The following COL22A1 variants were observed in gnomAD, a reference collection of about 807,000 sequenced individuals.
The protein encoded by COL22A1 is collagen alpha-1(XXII) chain.
In COL22A1, 221 loss-of-function variants were observed where a neutral mutation model predicts 248.9. The ratio of observed to expected loss-of-function variants is 0.89; its 90% CI spans 0.80 to 0.99. COL22A1 has a LOEUF of 0.99. Ranked by LOEUF, COL22A1 falls within the 50% of genes least tolerant of loss-of-function variation. The probability of loss-of-function intolerance (pLI) is 0.00; values close to 1 mark genes in which losing one functional copy is unlikely to be tolerated. For missense variants in COL22A1, 2,240 were observed against 2,179.0 expected (o/e 1.03, Z -0.56); for synonymous variants, 891 against 793.4 (o/e 1.12, Z -2.07).
intron 7 of COL22A1, among the ~76,000 whole-genome samples, chr8:138,820,353 A>G (rs1235059343): frequency 6.6e-6 from 1 of 152,120 alleles, no homozygotes. Flanking sequence ...AAGATGGAAC[A>G]TGTGGATCAC....
chr8:138,844,709 G>A (rs1036153880), intron 3 of COL22A1, among the ~76,000 whole-genome samples: 2 of 152,190 alleles, frequency 1.3e-5, no homozygotes, highest in African/African-American at 4.8e-5. Flanking sequence ...CCAGCACTTT[G>A]GGAGGCCGAG....
intron 1 of COL22A1, among the ~76,000 whole-genome samples, chr8:138,892,004 C>T (rs7000425): frequency 0.62 from 94,340 of 151,990 alleles, 30,218 homozygotes; most frequent in East Asian, 0.85. Flanking sequence ...TTGGCTATGA[C>T]GTATAATTAT....
rs1230739756 is a variant in COL22A1 at position 138,883,342 on chromosome 8, C to G, written c.-72-98G>C. 2.9e-5 allele frequency: 19 copies of G among 650,888 alleles called. No homozygotes were observed. The East Asian group carries it at 5.4e-4, about 19-fold the overall frequency. 40.3% of individuals were successfully genotyped at this position (650,888 alleles called of 1,614,324 possible). ...CCCAGGGGGATTCCCTACACCCAGC[C>G]TTCCAACCCATCTTCCCTCCCGGAT... is the stretch of plus-strand genomic sequence containing the variant. On this transcript the variant is annotated intron_variant, in intron 1 of 64. Coordinates refer to ENST00000303045, the MANE Select transcript of COL22A1 (RefSeq NM_152888.3).
chr8:138,826,647 G>T lies in COL22A1; in HGVS notation c.969+11C>A. On this transcript the variant is annotated intron_variant, in intron 6 of 64. Transcript: ENST00000303045. ...TCAGGACCACTGAGATAAGGCATCT[G>T]CTGCCCTTACCTGTGGGATGCTGTA... 6.2e-7 allele frequency: 1 copy of T among 1,613,342 alleles called. No individual in the cohort carries two copies.
intron 40 of COL22A1, among the ~76,000 whole-genome samples, chr8:138,679,388 T>G (rs940796203): frequency 2.0e-5 from 3 of 152,208 alleles, no homozygotes; most frequent in Admixed American, 1.3e-4. Flanking sequence ...CATTGCAAGC[T>G]AAGTCATGTC....
intron 50 of COL22A1, among the ~76,000 whole-genome samples, chr8:138,629,467 AT>A (rs915977881): frequency 6.6e-6 from 1 of 152,102 alleles, no homozygotes; most frequent in Admixed American, 6.6e-5. Context: ...TATATTTTAT[AT>A]TTTATTCATC....
At position 138,844,208 on chromosome 8, in the gene COL22A1, G is replaced by A. The variant is rs180963215; in HGVS notation, c.659-50C>T. The A allele has an allele frequency of 1.1e-4, 178 of 1,550,782 alleles. No homozygotes were observed. In the African/African-American group the frequency reaches 1.7e-3, roughly 15 times the overall value. On this transcript the variant is annotated intron_variant, in intron 3 of 64. Coordinates refer to ENST00000303045, the MANE Select transcript of COL22A1 (RefSeq NM_152888.3). The stretch of plus-strand genomic sequence containing the variant: ...GACTGATGAGAAAATGTGACCCATC[G>A]TCACCCTGTGAAATATGACAGCACA...
intron 3 of COL22A1, among the ~76,000 whole-genome samples, chr8:138,863,372 C>G (rs1233096137): frequency 6.6e-6 from 1 of 152,208 alleles, no homozygotes; most frequent in African/African-American, 2.4e-5. Flanking sequence ...CTACTCTTCC[C>G]TCCCTGGTTG....
chr8:138,734,660 C>A (rs1830974009), intron 23 of COL22A1, among the ~76,000 whole-genome samples: 1 of 152,206 alleles, frequency 6.6e-6, no homozygotes, highest in African/African-American at 2.4e-5. Context: ...TTTGACCCAG[C>A]AATCCCATTA....
chr8:138,808,734 A>C (rs547629079), intron 9 of COL22A1, among the ~76,000 whole-genome samples: 3 of 152,348 alleles, frequency 2.0e-5, no homozygotes, highest in Admixed American at 6.5e-5. Flanking sequence ...AGCAATCTAC[A>C]CTCTGGTCAC....
At chr8:138,668,881 C>A (rs903281568) in intron 41 of COL22A1, among the ~76,000 whole-genome samples, 7 of 152,176 alleles carry the variant, frequency 4.6e-5, no homozygotes, top group Admixed American at 6.5e-5. Flanking sequence ...GTTTGAGGAA[C>A]CTTCACCCAG....
intron 60 of COL22A1, among the ~76,000 whole-genome samples, chr8:138,599,275 G>C (rs912918811): frequency 5.3e-5 from 8 of 152,058 alleles, no homozygotes; most frequent in Non-Finnish European, 1.2e-4. Context: ...AGGAGATCGA[G>C]ACCATCCTTG....
At chr8:138,781,794 T>C (rs1269087933) in intron 12 of COL22A1, among the ~76,000 whole-genome samples, 1 of 152,108 alleles carries the variant, frequency 6.6e-6, no homozygotes, top group East Asian at 1.9e-4. Flanking sequence ...CCCGCCCCAC[T>C]CCCAGCTCTC....
At position 138,598,765 on chromosome 8, in the gene COL22A1, A is replaced by T; in HGVS notation, c.4319T>A (p.Val1440Asp). ...CTGGCCTGGAGGCCCTGGGGGTCCA[A>T]CTGGTCCATTCTCCCCAGGTAGTCC... ...PQGLPGENGP[V>D]GPPGPPGQPG... Residue 1440 changes from valine (V) to aspartate (D), a missense_variant, in exon 61 of 65, where the codon GTT becomes GAT. Coordinates refer to ENST00000303045, the MANE Select transcript of COL22A1 (RefSeq NM_152888.3). 2 of 1,614,052 alleles carry T rather than the reference A, an allele frequency of 1.2e-6. No individual in the cohort carries two copies. Among genetic ancestry groups the T allele is most frequent in the Non-Finnish European group, 1.7e-6 (2 of 1,179,964 alleles).
chr8:138,826,637 T>A, intron 6 of COL22A1, 21 bp downstream of exon 6: 1 of 1,612,916 alleles, frequency 6.2e-7, no homozygotes, highest in Non-Finnish European at 8.5e-7. Context: ...ACCACTGAGA[T>A]AAGGCATCTG....
At chr8:138,810,279 C>A (rs1328437686) in intron 9 of COL22A1, among the ~76,000 whole-genome samples, 1 of 152,240 alleles carries the variant, frequency 6.6e-6, no homozygotes. Flanking sequence ...GCTCCTGGCA[C>A]AGTCCATCTG....
chr8:138,754,515 T>C (rs1832840172), intron 21 of COL22A1, among the ~76,000 whole-genome samples: 2 of 152,338 alleles, frequency 1.3e-5, no homozygotes, highest in African/African-American at 4.8e-5. Context: ...TTCAATAAAA[T>C]ACAGTAACTT....
chr8:138,836,116 T>C (rs1378521771), intron 4 of COL22A1, among the ~76,000 whole-genome samples: 1 of 151,958 alleles, frequency 6.6e-6, no homozygotes, highest in Non-Finnish European at 1.5e-5. Flanking sequence ...ACTAAAAATA[T>C]AAAAATTAGC....
At chr8:138,764,549 G>T (rs1400695830) in intron 16 of COL22A1, among the ~76,000 whole-genome samples, 1 of 152,226 alleles carries the variant, frequency 6.6e-6, no homozygotes, top group Non-Finnish European at 1.5e-5. Flanking sequence ...TGGTTTGCAG[G>T]CCCCTGGCCT....
Sources: allele counts gnomAD v4.1 joint callset (sites outside exome capture counted in the v4.1 genomes callset), GRCh38; gene constraint gnomAD v4.1.1; transcripts MANE v1.5; gene names NCBI Gene and HGNC (gene_info 2026-07-23, HGNC 2026-07-21).